The following RABGEF1 variants were observed in gnomAD, a reference collection of about 807,000 sequenced individuals.
The protein encoded by RABGEF1 is RAB guanine nucleotide exchange factor 1, also known as rab5 GDP/GTP exchange factor.
Under a neutral mutation model 57.3 loss-of-function variants are expected in RABGEF1, and 26 were observed. That is an observed-to-expected ratio of 0.45 (90% CI 0.33 to 0.63). The LOEUF (loss-of-function observed/expected upper bound fraction) is 0.63. Among genes scored for constraint, RABGEF1 ranks in the 20% least tolerant of loss-of-function variants. The probability of loss-of-function intolerance (pLI) is 0.02; values close to 1 mark genes in which losing one functional copy is unlikely to be tolerated. For synonymous variants in RABGEF1, 185 were observed against 210.7 expected (o/e 0.88, Z 1.06); for missense variants, 464 against 607.6 (o/e 0.76, Z 2.48).
chr7:66,809,332 C>G lies in RABGEF1; in HGVS notation c.*48C>G. ...TATTTGAGCCTAAATTGTAGGTAGCCCTTACTACACTCAACTGATTGGGAT... is the reference window on the plus strand; with the variant it reads ...TATTTGAGCCTAAATTGTAGGTAGCGCTTACTACACTCAACTGATTGGGAT... On this transcript the variant is annotated 3_prime_UTR_variant, in exon 9 of 9. Coordinates refer to ENST00000284957, the MANE Select transcript of RABGEF1 (RefSeq NM_014504.3). 6.6e-7 allele frequency: 1 copy of G among 1,524,326 alleles called. No homozygotes were observed. The highest frequency in any genetic ancestry group is 8.9e-7 in the Non-Finnish European group (1 of 1,128,332). 94.4% of individuals were successfully genotyped at this position (1,524,326 alleles called of 1,614,324 possible). A position where few individuals can be genotyped will look rare whatever the true frequency, so the allele number is the denominator to read the frequency against.
At chr7:66,782,435 C>T (rs1470381227) in intron 3 of RABGEF1, among the ~76,000 whole-genome samples, 1 of 150,558 alleles carries the variant, frequency 6.6e-6, no homozygotes, top group African/African-American at 2.4e-5. Context: ...CCCTATTTTA[C>T]ATAAAACATA....
chr7:66,756,877 A>T (rs1359326626), intron 1 of RABGEF1, among the ~76,000 whole-genome samples: 2 of 152,186 alleles, frequency 1.3e-5, no homozygotes, highest in African/African-American at 4.8e-5. Context: ...CCTTCTTCTA[A>T]CATTAAATTA....
intron 4 of RABGEF1, among the ~76,000 whole-genome samples, chr7:66,793,364 T>A (rs577193110): frequency 5.9e-5 from 9 of 152,358 alleles, no homozygotes; most frequent in Non-Finnish European, 1.0e-4. Flanking sequence ...TTTGTGCATG[T>A]AACAGTTTTG....
chr7:66,660,906 C>T, the RABGEF1 span, among the ~76,000 whole-genome samples: 1 of 152,108 alleles, frequency 6.6e-6, no homozygotes, highest in Non-Finnish European at 1.5e-5. Flanking sequence ...TGCTTATGAA[C>T]ATTGGTTAAA....
the RABGEF1 span, among the ~76,000 whole-genome samples, chr7:66,673,979 C>T: frequency 6.6e-6 from 1 of 152,186 alleles, no homozygotes; most frequent in Non-Finnish European, 1.5e-5. Flanking sequence ...GGAACGAGTT[C>T]GTTCAGATAT....
At chr7:66,736,258 T>G (rs1230297118), upstream of RABGEF1, among the ~76,000 whole-genome samples, 2 of 152,168 alleles carry the variant, frequency 1.3e-5, no homozygotes, top group African/African-American at 4.8e-5. Context: ...AAAATTACTA[T>G]GGAGCACAGC....
At chr7:66,720,445 A>G (rs1795913395) in intron 2 of RABGEF1, among the ~76,000 whole-genome samples, 1 of 150,510 alleles carries the variant, frequency 6.6e-6, no homozygotes, top group African/African-American at 2.4e-5. Context: ...CGATCCACTC[A>G]CCTCAGCCTC....
chr7:66,697,804 T>C (rs573444902), intron 1 of RABGEF1, among the ~76,000 whole-genome samples: 1 of 152,178 alleles, frequency 6.6e-6, no homozygotes, highest in East Asian at 1.9e-4. Flanking sequence ...CGTCTGGGAC[T>C]CAGCAGAACT....
At chr7:66,751,613 G>A (rs549044344) in intron 1 of RABGEF1, among the ~76,000 whole-genome samples, 4 of 152,108 alleles carry the variant, frequency 2.6e-5, no homozygotes, top group African/African-American at 7.2e-5. Flanking sequence ...GGATAAGGCC[G>A]CATTTTGCTC....
upstream of RABGEF1, among the ~76,000 whole-genome samples, chr7:66,677,432 A>T (rs1789352273): frequency 6.6e-6 from 1 of 152,054 alleles, no homozygotes; most frequent in Non-Finnish European, 1.5e-5. Flanking sequence ...ATCAGAAACA[A>T]GACAAGTACC....
At chr7:66,719,128 C>G (rs1795720397) in intron 2 of RABGEF1, among the ~76,000 whole-genome samples, 1 of 152,176 alleles carries the variant, frequency 6.6e-6, no homozygotes, top group Admixed American at 6.5e-5. Flanking sequence ...CATGTGATTG[C>G]CTAGAAGCTG....
At chr7:66,660,942 CTGGT>C in the RABGEF1 span, among the ~76,000 whole-genome samples, 1 of 152,160 alleles carries the variant, frequency 6.6e-6, no homozygotes, top group Non-Finnish European at 1.5e-5. Flanking sequence ...CAGTGCCAAA[CTGGT>C]TGGGCACAGT....
chr7:66,751,094 G>A (rs1801317146), intron 1 of RABGEF1, among the ~76,000 whole-genome samples: 1 of 149,444 alleles, frequency 6.7e-6, no homozygotes, highest in African/African-American at 2.5e-5. Flanking sequence ...GCAGTGGTGT[G>A]ATCTTGGCTC....
the RABGEF1 span, among the ~76,000 whole-genome samples, chr7:66,662,085 A>G: frequency 6.6e-6 from 1 of 152,162 alleles, no homozygotes; most frequent in African/African-American, 2.4e-5. Flanking sequence ...AAAAGTATAA[A>G]AAAATTAGCC....
upstream of RABGEF1, among the ~76,000 whole-genome samples, chr7:66,736,854 C>G (rs1797998798): frequency 6.6e-6 from 1 of 152,034 alleles, no homozygotes; most frequent in South Asian, 2.1e-4. Context: ...GAGCGAGACT[C>G]CATCTCAAAA....
At chr7:66,702,283 T>A (rs1793387185) in intron 1 of RABGEF1, among the ~76,000 whole-genome samples, 1 of 152,048 alleles carries the variant, frequency 6.6e-6, no homozygotes, top group Non-Finnish European at 1.5e-5. Flanking sequence ...AGACCACAAT[T>A]TGTTTATCCA....
At chr7:66,768,987 C>G (rs920465189) in intron 1 of RABGEF1, 1 of 152,122 alleles carries the variant, frequency 6.6e-6, no homozygotes, top group African/African-American at 2.4e-5. Context: ...ACAAAGCACA[C>G]GATTGCTGGG....
intron 2 of RABGEF1, among the ~76,000 whole-genome samples, chr7:66,713,403 C>T (rs564166332): frequency 2.0e-5 from 3 of 152,308 alleles, no homozygotes; most frequent in African/African-American, 7.2e-5. Flanking sequence ...GCTGGGATTA[C>T]AGGCTTGAGC....
At chr7:66,659,245 G>GT in the RABGEF1 span, among the ~76,000 whole-genome samples, 20 of 151,930 alleles carry the variant, frequency 1.3e-4, no homozygotes, top group Non-Finnish European at 2.9e-5. Flanking sequence ...AAGGTCAGGA[G>GT]TTTGAGACCA....
Sources: allele counts gnomAD v4.1 joint callset (sites outside exome capture counted in the v4.1 genomes callset), GRCh38; gene constraint gnomAD v4.1.1; transcripts MANE v1.5; gene names NCBI Gene and HGNC (gene_info 2026-07-23, HGNC 2026-07-21).